Variants in DCUN1D3 observed in about 807,000 individuals in gnomAD.
The protein encoded by DCUN1D3 is defective in cullin neddylation 1 domain containing 3.
A neutral mutation model predicts 24.8 loss-of-function variants in DCUN1D3; 6 were observed. The ratio of observed to expected loss-of-function variants is 0.24; its 90% CI spans 0.13 to 0.48. The LOEUF (loss-of-function observed/expected upper bound fraction) is 0.48, where lower values mean the gene tolerates loss of function less well. Among genes scored for constraint, DCUN1D3 ranks in the 20% least tolerant of loss-of-function variants. DCUN1D3 has a pLI of 0.99. For missense variants in DCUN1D3, 258 were observed against 379.4 expected (o/e 0.68, Z 2.66); for synonymous variants, 120 against 144.9 (o/e 0.83, Z 1.24).
intron 1 of DCUN1D3, among the ~76,000 whole-genome samples, chr16:20,880,632 GA>G (rs1366649745): frequency 2.1e-5 from 2 of 93,832 alleles, no homozygotes; most frequent in African/African-American, 8.0e-5. Flanking sequence ...AAAAAAAACA[GA>G]AAAAAGAAAA....
intron 1 of DCUN1D3, among the ~76,000 whole-genome samples, chr16:20,864,130 T>C (rs190163938): frequency 6.6e-6 from 1 of 152,000 alleles, no homozygotes. Context: ...GTGGGATCCA[T>C]AATAATTAAA....
intron 1 of DCUN1D3, among the ~76,000 whole-genome samples, chr16:20,887,856 G>A (rs749033044): frequency 6.6e-6 from 1 of 152,158 alleles, no homozygotes; most frequent in Non-Finnish European, 1.5e-5. Context: ...AATGTCTCCT[G>A]GATCAGTTTC....
chr16:20,897,577 T>A (rs1386422988), intron 1 of DCUN1D3, among the ~76,000 whole-genome samples: 1 of 152,224 alleles, frequency 6.6e-6, no homozygotes, highest in Non-Finnish European at 1.5e-5. Context: ...TAGATCCTGA[T>A]GGTCATCTTG....
Position 20,860,504 on chromosome 16 carries a change from C to T in DCUN1D3, c.432-135G>A, listed in dbSNP as rs2081726411. The stretch of plus-strand genomic sequence containing the variant: ...TTCTAACTCCTCCAACTAATTAGTC[C>T]TATTTCCTTACTTGTCAAATGGTAA... On this transcript the variant is annotated intron_variant, in intron 2 of 2. Coordinates refer to ENST00000324344, the MANE Select transcript of DCUN1D3 (RefSeq NM_173475.4). The surrounding 1 kb of genome is among the most constrained non-coding windows in gnomAD (Gnocchi z 4.3). The T allele has an allele frequency of 9.6e-6, 9 of 935,324 alleles. No homozygotes were observed. The highest frequency in any genetic ancestry group is 1.8e-5 in the South Asian group (1 of 55,726). 57.9% of individuals were successfully genotyped at this position (935,324 alleles called of 1,614,324 possible).
At chr16:20,898,333 T>C (rs2081928446) in intron 1 of DCUN1D3, among the ~76,000 whole-genome samples, 2 of 152,152 alleles carry the variant, frequency 1.3e-5, no homozygotes, top group Non-Finnish European at 2.9e-5. Context: ...CAAAATCTGG[T>C]TTACTGGGAT....
chr16:20,868,364 G>C (rs1235911259), intron 1 of DCUN1D3, among the ~76,000 whole-genome samples: 1 of 152,232 alleles, frequency 6.6e-6, no homozygotes, highest in African/African-American at 2.4e-5. Flanking sequence ...CTGAGGTCAA[G>C]GAGTCTATTT....
intron 1 of DCUN1D3, among the ~76,000 whole-genome samples, chr16:20,886,151 C>CA (rs1015138824): frequency 1.3e-5 from 2 of 150,106 alleles, no homozygotes; most frequent in African/African-American, 4.9e-5. Flanking sequence ...GTCACAAATG[C>CA]AAAAAAAGAA....
intron 1 of DCUN1D3, among the ~76,000 whole-genome samples, chr16:20,887,297 A>G: frequency 6.6e-6 from 1 of 152,194 alleles, no homozygotes; most frequent in South Asian, 2.1e-4. Flanking sequence ...GCAAGATTCC[A>G]TCTCAAAAAG....
Position 20,856,917 on chromosome 16 carries a change from C to T in DCUN1D3, c.*2969G>A, listed in dbSNP as rs2081705263. 1 of 152,216 alleles carries T rather than the reference C, an allele frequency of 6.6e-6. No individual in the cohort carries two copies. The highest frequency in any genetic ancestry group is 6.5e-5 in the Admixed American group (1 of 15,284). 9.4% of individuals were successfully genotyped at this position (152,216 alleles called of 1,614,324 possible). On this transcript the variant is annotated 3_prime_UTR_variant, in exon 3 of 3. Coordinates refer to ENST00000324344, the MANE Select transcript of DCUN1D3 (RefSeq NM_173475.4). ...TTTCCAAAGTGGCGTCCACATCCTG[C>T]CCCTCTCCACATCACCCTGATGTTC...
intron 1 of DCUN1D3, among the ~76,000 whole-genome samples, chr16:20,877,154 T>G (rs1435834175): frequency 6.6e-6 from 1 of 152,212 alleles, no homozygotes; most frequent in Non-Finnish European, 1.5e-5. Flanking sequence ...CCAATTACCC[T>G]GATTTGATTT....
At chr16:20,897,057 C>T (rs1008763305) in intron 1 of DCUN1D3, among the ~76,000 whole-genome samples, 1 of 152,192 alleles carries the variant, frequency 6.6e-6, no homozygotes. Flanking sequence ...TCGTTTTCCC[C>T]AAACACTAAA....
intron 1 of DCUN1D3, among the ~76,000 whole-genome samples, chr16:20,894,659 G>A (rs2081907302): frequency 6.6e-6 from 1 of 152,210 alleles, no homozygotes; most frequent in Admixed American, 6.5e-5. Flanking sequence ...CCCTCAGGAA[G>A]GTAGACGAAG....
At chr16:20,863,971 T>C (rs891546623) in intron 1 of DCUN1D3, among the ~76,000 whole-genome samples, 8 of 152,016 alleles carry the variant, frequency 5.3e-5, no homozygotes, top group Non-Finnish European at 1.2e-4. Context: ...AAAAATCAAC[T>C]CAAGATGGAT....
intron 1 of DCUN1D3, among the ~76,000 whole-genome samples, chr16:20,868,700 C>T (rs1032899535): frequency 3.9e-5 from 6 of 152,086 alleles, no homozygotes; most frequent in African/African-American, 2.4e-5. Context: ...TCTCCCATAG[C>T]GATTCAGGTC....
At chr16:20,890,087 C>A (rs1025811407) in intron 1 of DCUN1D3, among the ~76,000 whole-genome samples, 6 of 152,268 alleles carry the variant, frequency 3.9e-5, no homozygotes, top group South Asian at 2.1e-4. Context: ...TCATACCTTG[C>A]CCTATGCGTC....
intron 1 of DCUN1D3, among the ~76,000 whole-genome samples, chr16:20,872,116 G>A (rs1345068198): frequency 2.6e-5 from 4 of 152,178 alleles, no homozygotes; most frequent in African/African-American, 7.2e-5. Flanking sequence ...CAGCCACCCT[G>A]GAGGTTTACC....
intron 1 of DCUN1D3, among the ~76,000 whole-genome samples, chr16:20,884,361 G>C (rs982051626): frequency 2.0e-5 from 3 of 152,144 alleles, no homozygotes; most frequent in Non-Finnish European, 4.4e-5. Flanking sequence ...CTCTAGCTTT[G>C]CAAAACTTGG....
At chr16:20,868,174 C>T (rs1180592421) in intron 1 of DCUN1D3, among the ~76,000 whole-genome samples, 1 of 152,252 alleles carries the variant, frequency 6.6e-6, no homozygotes. Flanking sequence ...ATCACTGCCA[C>T]CTCTGAAGTG....
chr16:20,860,244 G>A lies in DCUN1D3; in HGVS notation c.557C>T (p.Thr186Ile). The A allele has an allele frequency of 6.2e-7, 1 of 1,614,246 alleles. No homozygotes were observed. The highest frequency in any genetic ancestry group is 8.5e-7 in the Non-Finnish European group (1 of 1,180,048). ...TTCAGAGTCCAGGCCAAACTGAAATGTAAACCGGTAGAGATCCTTGAATTT... is the reference window on the plus strand; with the variant it reads ...TTCAGAGTCCAGGCCAAACTGAAATATAAACCGGTAGAGATCCTTGAATTT... The part of the protein sequence containing the change: ...EDKFKDLYRF[T>I]FQFGLDSEEG... The change falls in exon 3 of 3, where the codon ACA becomes ATA. Residue 186 changes from threonine (T) to isoleucine (I), a missense_variant. Transcript: ENST00000324344. The surrounding 1 kb of genome is among the most constrained non-coding windows in gnomAD (Gnocchi z 4.3).
Sources: allele counts gnomAD v4.1 joint callset (sites outside exome capture counted in the v4.1 genomes callset), GRCh38; gene constraint gnomAD v4.1.1; non-coding constraint Gnocchi (gnomAD v3.1); transcripts MANE v1.5; gene names NCBI Gene and HGNC (gene_info 2026-07-23, HGNC 2026-07-21).